The following RRP12 variants were observed in gnomAD, a reference collection of about 807,000 sequenced individuals.
RRP12 encodes the protein RRP12-like protein.
A neutral mutation model predicts 157.3 loss-of-function variants in RRP12; 78 were observed. The observed-to-expected ratio is 0.50, with a 90% CI of 0.41 to 0.60. The LOEUF (loss-of-function observed/expected upper bound fraction) is 0.60. Ranked by LOEUF, RRP12 falls within the 20% of genes least tolerant of loss-of-function variation. RRP12 has a pLI of 0.00. For synonymous variants in RRP12, 726 were observed against 670.9 expected (o/e 1.08, Z -1.27); for missense variants, 1,521 against 1,679.9 (o/e 0.91, Z 1.65).
rs1844459630 is a variant in RRP12, at chr10:97,381,298, C to T, written c.1418+88G>A. On this transcript the variant is annotated intron_variant, in intron 12 of 33. Transcript: ENST00000370992. Reference sequence around the variant, plus strand: ...GCACTGCCACTGCAGGCCTGGCCCACAGTAGGTGGAGAGTGGAGCATTCGT... The same window carrying T: ...GCACTGCCACTGCAGGCCTGGCCCATAGTAGGTGGAGAGTGGAGCATTCGT... The T allele has an allele frequency of 4.1e-6, 4 of 964,038 alleles. No individual in the cohort carries two copies. The Admixed American group carries it at 1.1e-4, about 27-fold the overall frequency. 59.7% of individuals were successfully genotyped at this position (964,038 alleles called of 1,614,324 possible).
At position 97,393,840 on chromosome 10, in the gene RRP12, C is replaced by T; in HGVS notation, c.454-80G>A. On this transcript the variant is annotated intron_variant, in intron 3 of 33. Coordinates refer to ENST00000370992, the MANE Select transcript of RRP12 (RefSeq NM_015179.4). Reference sequence around the variant, plus strand: ...GGAAAGAGAGTGGGGGAACATGTGCCCAGCAGAACAGTTGTGACTGAGAAC... The same window carrying T: ...GGAAAGAGAGTGGGGGAACATGTGCTCAGCAGAACAGTTGTGACTGAGAAC... The T allele has an allele frequency of 2.5e-6, 3 of 1,184,522 alleles. No individual in the cohort carries two copies. The South Asian group carries it at 3.7e-5, about 15-fold the overall frequency. The allele number at this position is 1,184,522 out of a possible 1,614,324, so 73.4% of individuals were successfully genotyped here. A position where few individuals can be genotyped will look rare whatever the true frequency, so the allele number is the denominator to read the frequency against.
At chr10:97,381,904 G>T in intron 10 of RRP12, 78 bp from the exon 11 acceptor site, 1 of 992,098 alleles carries the variant, frequency 1.0e-6, no homozygotes, top group Non-Finnish European at 1.5e-6. Flanking sequence ...GGCTGAGACG[G>T]CCCAGCTCTG....
At position 97,384,276 on chromosome 10, in the gene RRP12, G is replaced by A. The variant is rs1185004970; in HGVS notation, c.1208+890C>T. 2.0e-5 allele frequency among the ~76,000 whole-genome samples: 3 copies of A among 151,094 alleles called. No individual in the cohort carries two copies. In the East Asian group the frequency reaches 5.9e-4, roughly 30 times the overall value. ...ACCCCGAACCTTGGCAGCCAGGACA[G>A]AGGCCCTGAGAACTCCACAACCTCA... On this transcript the variant is annotated intron_variant, in intron 10 of 33. Coordinates refer to ENST00000370992, the MANE Select transcript of RRP12 (RefSeq NM_015179.4).
At chr10:97,369,392 C>T in intron 25 of RRP12, 33 bp downstream of exon 25, 1 of 1,605,002 alleles carries the variant, frequency 6.2e-7, no homozygotes, top group Non-Finnish European at 8.5e-7. Context: ...AGAGGCCACC[C>T]TGCTACCTGC....
chr10:97,391,534 G>A (rs1844802597), intron 4 of RRP12, among the ~76,000 whole-genome samples: 1 of 152,126 alleles, frequency 6.6e-6, no homozygotes, highest in Non-Finnish European at 1.5e-5. Context: ...TTGCACCATT[G>A]CACTCTAGCC....
chr10:97,370,835 T>C, intron 21 of RRP12, 39 bp from the exon 22 acceptor site: 1 of 1,610,442 alleles, frequency 6.2e-7, no homozygotes, highest in Non-Finnish European at 8.5e-7. Flanking sequence ...CCCTCAATGC[T>C]ACCTCCACCC....
In RRP12 at chr10:97,390,744, G is replaced by C. The variant is rs1386293833; in HGVS notation, c.631C>G (p.Arg211Gly). The C allele has an allele frequency of 2.6e-5, 41 of 1,606,774 alleles. No homozygotes were observed. Among genetic ancestry groups the C allele is most frequent in the Non-Finnish European group, 3.5e-5 (41 of 1,173,382 alleles). ...QASSGSTSVL[R>G]WVLSCLATLL... is the part of the protein sequence containing the mutation. ...ACTAAACCCCAGACACTAACCCATCGGAGGACAGAGGTGGAGCCGCTGCTG... is the reference window on the plus strand; with the variant it reads ...ACTAAACCCCAGACACTAACCCATCCGAGGACAGAGGTGGAGCCGCTGCTG... Residue 211 changes from arginine to glycine, a missense_variant, in exon 5 of 34, where the codon CGA (arginine) becomes GGA (glycine). Transcript: ENST00000370992.
At position 97,393,544 on chromosome 10, in the gene RRP12, C is replaced by A; in HGVS notation, c.530+140G>T. ...TACGACGGTATGTCACATGCTGGCC[C>A]ATTCTGCATGCCTCTAGACAATGTT... On this transcript the variant is annotated intron_variant, in intron 4 of 33. Transcript: ENST00000370992. The A allele has an allele frequency of 4.1e-6, 3 of 740,138 alleles. No homozygotes were observed. The South Asian group carries it at 4.6e-5, about 11-fold the overall frequency. The allele number at this position is 740,138 out of a possible 1,614,324, so 45.8% of individuals were successfully genotyped here. A position where few individuals can be genotyped will look rare whatever the true frequency, so the allele number is the denominator to read the frequency against.
chr10:97,395,203 C>CAT (rs778677437), intron 3 of RRP12, among the ~76,000 whole-genome samples: 40 of 121,016 alleles, frequency 3.3e-4, no homozygotes, highest in Middle Eastern at 4.2e-3. Context: ...TATATATACA[C>CAT]ATATACACAC....
chr10:97,396,292 C>T lies in RRP12; in HGVS notation c.379G>A (p.Val127Ile). The change falls in exon 3 of 34, where the codon GTT becomes ATT. Residue 127 changes from valine (V) to isoleucine (I), a missense_variant. Coordinates refer to ENST00000370992, the MANE Select transcript of RRP12 (RefSeq NM_015179.4). ...ATCACCTCAGTGACAGCAGCCAGAA[C>T]AGCACAGATCTGCACAGGAGGGAGA... ...NSAAHKEICA[V>I]LAAVTEVIRS... 6 of 1,613,610 alleles carry T rather than the reference C, an allele frequency of 3.7e-6. No individual in the cohort carries two copies. Among genetic ancestry groups the T allele is most frequent in the Non-Finnish European group, 5.1e-6 (6 of 1,179,564 alleles).
At chr10:97,357,271 C>T in intron 33 of RRP12, 75 bp from the exon 34 acceptor site, 2 of 931,782 alleles carry the variant, frequency 2.1e-6, no homozygotes, top group South Asian at 3.0e-5. Context: ...AATGATGGCT[C>T]ACCCCCAGCG....
At position 97,388,356 on chromosome 10, in the gene RRP12, G is replaced by A. The variant is rs775647753; in HGVS notation, c.913C>T (p.Leu305=). 4 of 1,613,948 alleles carry A rather than the reference G, an allele frequency of 2.5e-6. No individual in the cohort carries two copies. Among genetic ancestry groups the A allele is most frequent in the Non-Finnish European group, 3.4e-6 (4 of 1,180,018 alleles). Residue 305 remains leucine, a synonymous_variant, in exon 8 of 34, where the codon CTG becomes TTG. Coordinates refer to ENST00000370992, the MANE Select transcript of RRP12 (RefSeq NM_015179.4). ...SGGSKEATTT[L]HMLTLLKDLL... ...TCCTTCAGCAGCGTCAGCATGTGCA[G>A]CGTGGTGGTGGCCTCCTTGGAGCCT...
chr10:97,377,391 TG>T (rs1244329303), intron 15 of RRP12, among the ~76,000 whole-genome samples: 13 of 151,174 alleles, frequency 8.6e-5, no homozygotes, highest in African/African-American at 3.2e-4. Flanking sequence ...GAGCCAGGTG[TG>T]GTGGCACATG....
chr10:97,363,930 A>G (rs763133463), intron 29 of RRP12, 27 bp from the exon 30 acceptor site: 34 of 1,610,888 alleles, frequency 2.1e-5, no homozygotes, highest in Non-Finnish European at 2.8e-5. Flanking sequence ...GAGGCCCATG[A>G]GCGCTGTGGG....
In RRP12 at chr10:97,385,895, C is replaced by G. The variant is rs145105085; in HGVS notation, c.1116G>C (p.Thr372=). Residue 372 remains threonine, a splice_region_variant and synonymous_variant, in exon 9 of 34, where the codon ACG becomes ACC. Coordinates refer to ENST00000370992, the MANE Select transcript of RRP12 (RefSeq NM_015179.4). ...CCCACATCCCACCAACAGGCCTCAC[C>G]GTGATGATCTGGGCGTTGAGCTCTG... ...LSAELNAQII[T]ALYDYVPSEN... is the part of the protein sequence containing the mutation. 2 of 1,598,192 alleles carry G rather than the reference C, an allele frequency of 1.3e-6. No individual in the cohort carries two copies. The highest frequency in any genetic ancestry group is 1.7e-6 in the Non-Finnish European group (2 of 1,171,726).
At position 97,393,812 on chromosome 10, in the gene RRP12, A is replaced by G. The variant is rs778349649; in HGVS notation, c.454-52T>C. ...ATGGATAAAAACTTACACTGAGCAAACAGGAAAGAGAGTGGGGGAACATGT... is the reference window on the plus strand; with the variant it reads ...ATGGATAAAAACTTACACTGAGCAAGCAGGAAAGAGAGTGGGGGAACATGT... On this transcript the variant is annotated intron_variant, in intron 3 of 33. Transcript: ENST00000370992. 1.2e-5 allele frequency: 17 copies of G among 1,469,728 alleles called. No individual in the cohort carries two copies. In the South Asian group the frequency reaches 1.9e-4, roughly 17 times the overall value. 91.0% of individuals were successfully genotyped at this position (1,469,728 alleles called of 1,614,324 possible). A position where few individuals can be genotyped will look rare whatever the true frequency, so the allele number is the denominator to read the frequency against.
At chr10:97,371,778 C>G (rs1844162250) in intron 20 of RRP12, 2 of 315,452 alleles carry the variant, frequency 6.3e-6, no homozygotes, top group Non-Finnish European at 1.2e-5. Context: ...GGATAAAGCT[C>G]AGGCCGGTCT....
At chr10:97,383,014 G>A (rs953979244) in intron 10 of RRP12, among the ~76,000 whole-genome samples, 4 of 152,104 alleles carry the variant, frequency 2.6e-5, no homozygotes, top group East Asian at 3.9e-4. Context: ...TGCCCATCTC[G>A]GTCTCCTAAA....
chr10:97,358,562 G>C lies in RRP12; in HGVS notation c.3766C>G (p.Leu1256Val), dbSNP rs761014694. Reference protein sequence around the residue: ...GRPDPYAYIPLNRSKLNRRKK... With the variant: ...GRPDPYAYIPVNRSKLNRRKK... ...CTGCGGTTGAGCTTGCTTCTGTTGA[G>C]GGGGATGTAGGCATAGGGATCCGGC... is the stretch of plus-strand genomic sequence containing the variant. Residue 1256 changes from leucine to valine, a missense_variant, in exon 33 of 34, where the codon CTC (leucine) becomes GTC (valine). By Grantham distance (32) the Leu-to-Val change is conservative. Coordinates refer to ENST00000370992, the MANE Select transcript of RRP12 (RefSeq NM_015179.4). The C allele has an allele frequency of 1.2e-6, 2 of 1,613,960 alleles. No individual in the cohort carries two copies. Among genetic ancestry groups the C allele is most frequent in the South Asian group, 2.2e-5 (2 of 91,064 alleles).
Sources: gnomAD v4.1 joint callset for allele counts (sites outside exome capture counted in the v4.1 genomes callset) on GRCh38, gnomAD v4.1.1 for gene constraint, MANE v1.5 for transcripts, NCBI Gene and HGNC (gene_info 2026-07-23, HGNC 2026-07-21) for gene names.